Variants in GPT2 observed in about 807,000 individuals in gnomAD.
GPT2 encodes glutamic--pyruvic transaminase 2.
A neutral mutation model predicts 56.9 loss-of-function variants in GPT2; 30 were observed. The observed-to-expected ratio is 0.53, with a 90% confidence interval of 0.39 to 0.72. The LOEUF is 0.72. Ranked by LOEUF, GPT2 falls within the 30% of genes least tolerant of loss-of-function variation. The pLI is 0.00. For missense variants in GPT2, 542 were observed against 703.4 expected (o/e 0.77, Z 2.60); for synonymous variants, 271 against 283.1 (o/e 0.96, Z 0.43).
chr16:46,923,585 C>T (rs892692446), intron 9 of GPT2, among the ~76,000 whole-genome samples: 2 of 152,262 alleles, frequency 1.3e-5, no homozygotes, highest in African/African-American at 4.8e-5. Flanking sequence ...CCATGCTCCC[C>T]ACGTGGACAG....
chr16:46,894,712 C>G (rs1480386064), intron 2 of GPT2, among the ~76,000 whole-genome samples: 1 of 151,882 alleles, frequency 6.6e-6, no homozygotes, highest in African/African-American at 2.4e-5. Flanking sequence ...GTCGCCCAGG[C>G]TGGAGTGCAG....
rs185074714 is a variant in GPT2 at position 46,928,792 on chromosome 16, C to T, written c.1482-115C>T. 8.9e-4 allele frequency: 673 copies of T among 757,082 alleles called. 6 individuals carry two copies. The Middle Eastern group carries it at 0.024, about 28-fold the overall frequency. The allele number at this position is 757,082 out of a possible 1,614,324, so 46.9% of individuals were successfully genotyped here. On this transcript the variant is annotated intron_variant, in intron 11 of 11. Coordinates refer to ENST00000340124, the MANE Select transcript of GPT2 (RefSeq NM_133443.4). ...TGGGTGCTGTCCGGGCTGGAGCTGT[C>T]GAAGCAGACCAGGCAGACCTCCCTC...
intron 4 of GPT2, among the ~76,000 whole-genome samples, chr16:46,901,563 G>A (rs554358764): frequency 3.9e-5 from 6 of 152,170 alleles, no homozygotes; most frequent in African/African-American, 9.7e-5. Flanking sequence ...AGCTTCCTTC[G>A]CCCTGAGGAA....
chr16:46,897,497 C>T, intron 2 of GPT2, 151 bp from the exon 3 acceptor site: 2 of 635,056 alleles, frequency 3.1e-6, no homozygotes, highest in Non-Finnish European at 5.6e-6. Flanking sequence ...TAAATGAGAC[C>T]AGGCATGTCA....
chr16:46,891,881 A>T (rs950731595), intron 2 of GPT2, among the ~76,000 whole-genome samples: 4 of 149,640 alleles, frequency 2.7e-5, no homozygotes, highest in African/African-American at 9.9e-5. Flanking sequence ...ACTTTTTGGT[A>T]CCCATTAACC....
At chr16:46,923,319 G>A (rs899495719) in intron 9 of GPT2, among the ~76,000 whole-genome samples, 71 of 152,136 alleles carry the variant, frequency 4.7e-4, no homozygotes, top group African/African-American at 1.6e-3. Context: ...AAAATCAGCC[G>A]GGATGGTACA....
intron 8 of GPT2, among the ~76,000 whole-genome samples, chr16:46,921,187 G>C (rs1420074247): frequency 1.3e-5 from 2 of 152,074 alleles, no homozygotes; most frequent in Non-Finnish European, 2.9e-5. Flanking sequence ...TTGTTGTTTT[G>C]AGATGTAATC....
intron 2 of GPT2, chr16:46,885,228 G>A: frequency 8.2e-7 from 1 of 1,226,022 alleles, no homozygotes; most frequent in Non-Finnish European, 1.0e-6. Context: ...ACCGCACGTT[G>A]TGTGTCTGCC....
chr16:46,923,044 A>G (rs1961325953), intron 9 of GPT2, among the ~76,000 whole-genome samples: 1 of 152,170 alleles, frequency 6.6e-6, no homozygotes, highest in South Asian at 2.1e-4. Flanking sequence ...GAGCCGTTCC[A>G]TGATCCCACA....
chr16:46,919,222 C>G (rs928803378), intron 8 of GPT2, among the ~76,000 whole-genome samples: 1 of 152,234 alleles, frequency 6.6e-6, no homozygotes, highest in Admixed American at 6.5e-5. Flanking sequence ...TGAGCACTTA[C>G]GATGAGTCCG....
At chr16:46,909,505 T>C (rs924005890) in intron 5 of GPT2, among the ~76,000 whole-genome samples, 179 bp from the exon 6 acceptor site, 1 of 152,028 alleles carries the variant, frequency 6.6e-6, no homozygotes, top group Non-Finnish European at 1.5e-5. Context: ...CTTTAGAATG[T>C]TGTATTTTGC....
At chr16:46,909,002 G>C (rs914574896) in intron 5 of GPT2, among the ~76,000 whole-genome samples, 3 of 151,926 alleles carry the variant, frequency 2.0e-5, no homozygotes, top group Non-Finnish European at 2.9e-5. Context: ...TGGTTTCTCA[G>C]AAATCTTCAA....
chr16:46,909,335 A>G (rs539914292), intron 5 of GPT2, among the ~76,000 whole-genome samples: 4 of 152,164 alleles, frequency 2.6e-5, no homozygotes, highest in African/African-American at 9.6e-5. Context: ...TTAAGTAGGG[A>G]GGTGGAGGTC....
rs894190198 is a variant in GPT2 at position 46,906,750 on chromosome 16, A to C, written c.443-92A>C. ...CCACCCCGAGACCCTCACCCCAAAC[A>C]GGCATCCCTCTAATTATATGGATGT... On this transcript the variant is annotated intron_variant, in intron 4 of 11. Transcript: ENST00000340124. The C allele has an allele frequency of 9.7e-5, 148 of 1,522,722 alleles. No homozygotes were observed. In the African/African-American group the frequency reaches 1.7e-3, roughly 17 times the overall value. The allele number at this position is 1,522,722 out of a possible 1,614,324, so 94.3% of individuals were successfully genotyped here.
chr16:46,917,415 G>A (rs1439490927), intron 7 of GPT2, among the ~76,000 whole-genome samples: 1 of 152,152 alleles, frequency 6.6e-6, no homozygotes, highest in Non-Finnish European at 1.5e-5. Context: ...GTGCCTCCCA[G>A]CGCTTCTGTA....
chr16:46,928,506 C>G (rs972559698), intron 11 of GPT2, among the ~76,000 whole-genome samples: 8 of 151,902 alleles, frequency 5.3e-5, no homozygotes, highest in Middle Eastern at 3.4e-3. Context: ...ATCTGTAATC[C>G]CAGCTACTCG....
At chr16:46,889,752 G>T (rs1302723246) in intron 2 of GPT2, among the ~76,000 whole-genome samples, 2 of 152,208 alleles carry the variant, frequency 1.3e-5, no homozygotes, top group East Asian at 3.8e-4. Flanking sequence ...AGTTTGAGAT[G>T]TTAATGATAA....
chr16:46,903,979 A>G (rs1960872420), intron 4 of GPT2, among the ~76,000 whole-genome samples: 1 of 152,198 alleles, frequency 6.6e-6, no homozygotes, highest in Non-Finnish European at 1.5e-5. Flanking sequence ...GAGGATGAGT[A>G]AGAACCTGCA....
rs996943636 is a variant in GPT2 at position 46,906,990 on chromosome 16, G to A, written c.576+15G>A. The A allele has an allele frequency of 6.2e-7, 1 of 1,614,096 alleles. No homozygotes were observed. Among genetic ancestry groups the A allele is most frequent in the Non-Finnish European group, 8.5e-7 (1 of 1,179,952 alleles). ...ACGGCATTTCTGTACGTGTGAGGGTGGCTCGTTGTTATCCGGTGTTTACCC... is the reference window on the plus strand; with the variant it reads ...ACGGCATTTCTGTACGTGTGAGGGTAGCTCGTTGTTATCCGGTGTTTACCC... On this transcript the variant is annotated intron_variant, in intron 5 of 11. Coordinates refer to ENST00000340124, the MANE Select transcript of GPT2 (RefSeq NM_133443.4).
Sources: allele counts gnomAD v4.1 joint callset (sites outside exome capture counted in the v4.1 genomes callset), GRCh38; gene constraint gnomAD v4.1.1; transcripts MANE v1.5; gene names NCBI Gene and HGNC (gene_info 2026-07-23, HGNC 2026-07-21).